The following RAB3C variants were observed in gnomAD, a reference collection of about 807,000 sequenced individuals.
RAB3C encodes RAB3C, member RAS oncogene family, also known as ras-related protein Rab-3C.
A neutral mutation model predicts 26.4 loss-of-function variants in RAB3C; 17 were observed. The ratio of observed to expected loss-of-function variants is 0.64; its 90% CI spans 0.44 to 0.97. The LOEUF (loss-of-function observed/expected upper bound fraction) is 0.97. Among genes scored for constraint, RAB3C ranks in the 50% least tolerant of loss-of-function variants. RAB3C has a pLI of 0.00. For missense variants in RAB3C, 242 were observed against 281.9 expected, an observed-to-expected ratio of 0.86 and a Z score of 1.01; for synonymous variants, 91 against 95.9, an observed-to-expected ratio of 0.95 and a Z score of 0.30.
intron 2 of RAB3C, among the ~76,000 whole-genome samples, chr5:58,639,880 A>G (rs1747377054): frequency 6.6e-6 from 1 of 152,156 alleles, no homozygotes; most frequent in South Asian, 2.1e-4. Context: ...TGTTTTTTCA[A>G]AGATCTATTT....
chr5:58,825,305 G>T, intron 4 of RAB3C, 143 bp downstream of exon 4: 1 of 897,018 alleles, frequency 1.1e-6, no homozygotes, highest in Non-Finnish European at 1.6e-6. Flanking sequence ...TCCTCCCTAA[G>T]TGGACAATAT....
chr5:58,838,751 T>G (rs550046213), intron 4 of RAB3C, among the ~76,000 whole-genome samples: 59 of 152,302 alleles, frequency 3.9e-4, no homozygotes, highest in African/African-American at 1.4e-3. Context: ...CTTTGTTAAT[T>G]TCCTGTCTGG....
At chr5:58,754,572 C>T (rs536097955) in intron 3 of RAB3C, among the ~76,000 whole-genome samples, 2 of 152,196 alleles carry the variant, frequency 1.3e-5, no homozygotes, top group Non-Finnish European at 2.9e-5. Context: ...CTCCCCAACA[C>T]ACTGAAAGTG....
At chr5:58,801,993 T>C (rs1260018209) in intron 3 of RAB3C, among the ~76,000 whole-genome samples, 3 of 152,242 alleles carry the variant, frequency 2.0e-5, no homozygotes, top group Admixed American at 1.3e-4. Flanking sequence ...TTAATATGGA[T>C]GTGTGAACAT....
intron 3 of RAB3C, among the ~76,000 whole-genome samples, chr5:58,730,911 A>G (rs941348072): frequency 6.6e-6 from 1 of 152,152 alleles, no homozygotes; most frequent in Non-Finnish European, 1.5e-5. Context: ...CAGTCATGGC[A>G]GAAGGTGAAG....
At chr5:58,848,674 TATC>T (rs1336256566) in intron 4 of RAB3C, 3 of 152,252 alleles carry the variant, frequency 2.0e-5, no homozygotes, top group African/African-American at 7.2e-5. Context: ...CTATTGTTGT[TATC>T]ATAGCATTTT....
At chr5:58,751,669 CTG>C (rs2111962828) in intron 3 of RAB3C, among the ~76,000 whole-genome samples, 1 of 152,314 alleles carries the variant, frequency 6.6e-6, no homozygotes, top group South Asian at 2.1e-4. Flanking sequence ...CATAAAATAA[CTG>C]TTTAGTGGTA....
At chr5:58,711,994 C>T (rs1749070620) in intron 2 of RAB3C, among the ~76,000 whole-genome samples, 1 of 152,112 alleles carries the variant, frequency 6.6e-6, no homozygotes, top group Admixed American at 6.6e-5. Flanking sequence ...AGAAAATGCA[C>T]AAAAGATGAA....
chr5:58,844,764 A>G (rs994221868), intron 4 of RAB3C, among the ~76,000 whole-genome samples: 3 of 152,208 alleles, frequency 2.0e-5, no homozygotes, highest in African/African-American at 7.2e-5. Flanking sequence ...GATGAAAATA[A>G]TTTATTGCAG....
chr5:58,656,496 A>G (rs530992431), intron 2 of RAB3C, among the ~76,000 whole-genome samples: 1 of 152,316 alleles, frequency 6.6e-6, no homozygotes, highest in East Asian at 1.9e-4. Context: ...GTACATTTGT[A>G]TCTGGCAATT....
intron 2 of RAB3C, among the ~76,000 whole-genome samples, chr5:58,690,580 A>T (rs1561290398): frequency 1.3e-5 from 2 of 152,242 alleles, no homozygotes; most frequent in Admixed American, 6.5e-5. Context: ...ATTTTCCTCC[A>T]TGCAGTCTCT....
rs980700695 is a variant in RAB3C at position 58,855,789 on chromosome 5, C to A, written c.*4438C>A. 9 of 152,134 alleles carry A rather than the reference C, an allele frequency of 5.9e-5. No individual in the cohort carries two copies. Among genetic ancestry groups the A allele is most frequent in the African/African-American group, 2.2e-4 (9 of 41,434 alleles). The allele number at this position is 152,134 out of a possible 1,614,324, so 9.4% of individuals were successfully genotyped here. ...GAAGTTTATGACCAGAATAAAAAAG[C>A]CTTTACCCCTGCACAGCACTGTATC... is the stretch of plus-strand genomic sequence containing the variant. On this transcript the variant is annotated 3_prime_UTR_variant, in exon 5 of 5. Coordinates refer to ENST00000282878, the MANE Select transcript of RAB3C (RefSeq NM_138453.4).
intron 1 of RAB3C, among the ~76,000 whole-genome samples, chr5:58,616,922 G>A (rs886631997): frequency 1.3e-5 from 2 of 152,128 alleles, no homozygotes; most frequent in African/African-American, 4.8e-5. Flanking sequence ...CACACTGCTT[G>A]TTTGAATCCT....
chr5:58,637,545 A>G lies in RAB3C; in HGVS notation c.252+19675A>G, dbSNP rs1423395891. Among the ~76,000 whole-genome samples the G allele has an allele frequency of 3.3e-5, 5 of 152,296 alleles. No individual in the cohort carries two copies. In the South Asian group the frequency reaches 8.3e-4, roughly 25 times the overall value. ...AAACTCTTTAAATTTTGGATATACT[A>G]TAAGTTCCAAAATTAATATATTCCT... On this transcript the variant is annotated intron_variant, in intron 2 of 4. Transcript: ENST00000282878.
chr5:58,774,158 C>CAATG (rs1418510699), intron 3 of RAB3C, among the ~76,000 whole-genome samples: 2 of 152,136 alleles, frequency 1.3e-5, no homozygotes, highest in Non-Finnish European at 2.9e-5. Flanking sequence ...TGAAATGGAT[C>CAATG]AATGAATGAA....
intron 2 of RAB3C, among the ~76,000 whole-genome samples, chr5:58,658,343 G>A (rs1454775097): frequency 6.6e-6 from 1 of 152,116 alleles, no homozygotes; most frequent in Non-Finnish European, 1.5e-5. Flanking sequence ...AAAGGACTGT[G>A]GTTATCAGCT....
intron 2 of RAB3C, among the ~76,000 whole-genome samples, chr5:58,713,052 A>C (rs1228215412): frequency 6.6e-6 from 1 of 152,188 alleles, no homozygotes. Context: ...TTGGATAGGG[A>C]TCTTGGAGCC....
chr5:58,590,701 C>T (rs1466519479), intron 1 of RAB3C, among the ~76,000 whole-genome samples: 1 of 152,042 alleles, frequency 6.6e-6, no homozygotes, highest in East Asian at 1.9e-4. Context: ...CACCACCACA[C>T]CCAGCTAATT....
At chr5:58,582,834 AGG>A (rs1342460226), upstream of RAB3C, among the ~76,000 whole-genome samples, 2 of 152,206 alleles carry the variant, frequency 1.3e-5, no homozygotes, top group Non-Finnish European at 2.9e-5. Flanking sequence ...GCCCCTGGCG[AGG>A]AAAAGAGCAG....
Sources: gnomAD v4.1 joint callset for allele counts (sites outside exome capture counted in the v4.1 genomes callset) on GRCh38, gnomAD v4.1.1 for gene constraint, MANE v1.5 for transcripts, NCBI Gene and HGNC (gene_info 2026-07-23, HGNC 2026-07-21) for gene names.